The following KLHDC4 variants were observed in gnomAD, a reference collection of about 807,000 sequenced individuals.
The protein encoded by KLHDC4 is kelch domain-containing protein 4.
In KLHDC4, 90 loss-of-function variants were observed where a neutral mutation model predicts 62.4. That is an observed-to-expected ratio of 1.44 (90% CI 1.22 to 1.72). The LOEUF (loss-of-function observed/expected upper bound fraction) is 1.72, where lower values mean the gene tolerates loss of function less well. Ranked by LOEUF, KLHDC4 falls within the 40% of genes most tolerant of loss-of-function variation. KLHDC4 has a pLI of 0.00. For synonymous variants in KLHDC4, 386 were observed against 284.4 expected (o/e 1.36, Z -3.59); for missense variants, 1,025 against 699.7 (o/e 1.47, Z -5.25).
At chr16:87,752,471 G>A (rs1044021898) in intron 4 of KLHDC4, among the ~76,000 whole-genome samples, 3 of 151,774 alleles carry the variant, frequency 2.0e-5, no homozygotes, top group Admixed American at 6.6e-5. Context: ...TGAGTAGCTG[G>A]GATTACAGGC....
intron 7 of KLHDC4, among the ~76,000 whole-genome samples, chr16:87,724,139 A>G (rs1355346966): frequency 6.6e-6 from 1 of 152,198 alleles, no homozygotes; most frequent in African/African-American, 2.4e-5. Flanking sequence ...TGCTCGGCCT[A>G]AAAAGCCTTT....
At chr16:87,723,087 C>T (rs987153169) in intron 7 of KLHDC4, among the ~76,000 whole-genome samples, 5 of 152,172 alleles carry the variant, frequency 3.3e-5, no homozygotes, top group Non-Finnish European at 4.4e-5. Context: ...AGAGCAAGGA[C>T]GAGCTTCCCC....
chr16:87,715,841 C>T (rs776927088), intron 7 of KLHDC4, among the ~76,000 whole-genome samples: 3 of 152,186 alleles, frequency 2.0e-5, no homozygotes, highest in African/African-American at 7.2e-5. Context: ...ACTTCGGCCA[C>T]GCTACTGTGG....
At chr16:87,731,086 T>A (rs2040290015) in intron 5 of KLHDC4, 1 of 120,666 alleles carries the variant, frequency 8.3e-6, no homozygotes, top group Non-Finnish European at 1.6e-5. Context: ...TTTTTTGAGA[T>A]GGACTCTCCC....
At chr16:87,750,279 C>A (rs944283657) in intron 4 of KLHDC4, 1 of 152,222 alleles carries the variant, frequency 6.6e-6, no homozygotes, top group Non-Finnish European at 1.5e-5. Flanking sequence ...GAGAAAAGCA[C>A]GCTCCTAGGC....
At chr16:87,765,405 G>C in intron 1 of KLHDC4, 2 of 482,338 alleles carry the variant, frequency 4.1e-6, no homozygotes, top group Non-Finnish European at 8.2e-6. Context: ...ACATCATGCA[G>C]AGGCAGCCCC....
chr16:87,706,135 G>C (rs2034651643), downstream of KLHDC4, among the ~76,000 whole-genome samples: 2 of 143,416 alleles, frequency 1.4e-5, no homozygotes, highest in African/African-American at 5.1e-5. Flanking sequence ...ACAAGCTGCA[G>C]CCCTCGCGGG....
chr16:87,748,335 T>A (rs953971747), intron 5 of KLHDC4, among the ~76,000 whole-genome samples: 31 of 152,162 alleles, frequency 2.0e-4, no homozygotes, highest in African/African-American at 7.5e-4. Context: ...GGGGCCCCCC[T>A]TCCAACAAGC....
At chr16:87,705,510 G>T (rs1038903912), downstream of KLHDC4, among the ~76,000 whole-genome samples, 4 of 152,254 alleles carry the variant, frequency 2.6e-5, no homozygotes, top group African/African-American at 7.2e-5. Flanking sequence ...AAAGCAAAAT[G>T]CTTTCTGTGT....
At chr16:87,730,869 C>A in intron 5 of KLHDC4, 1 of 458,916 alleles carries the variant, frequency 2.2e-6, no homozygotes, top group Non-Finnish European at 3.9e-6. Flanking sequence ...AGGAGAACAT[C>A]TCCAAGACCT....
intron 5 of KLHDC4, among the ~76,000 whole-genome samples, chr16:87,741,417 T>C (rs981822159): frequency 6.6e-6 from 1 of 152,152 alleles, no homozygotes; most frequent in Admixed American, 6.6e-5. Flanking sequence ...GCAGCAGCAT[T>C]AGACTCTCAC....
At chr16:87,753,093 C>T (rs112518305) in intron 4 of KLHDC4, among the ~76,000 whole-genome samples, 4 of 152,254 alleles carry the variant, frequency 2.6e-5, no homozygotes, top group South Asian at 2.1e-4. Context: ...GCTGAGGAGA[C>T]AAGGACTGGA....
chr16:87,740,648 T>A (rs2042100869), intron 5 of KLHDC4: 1 of 152,148 alleles, frequency 6.6e-6, no homozygotes, highest in Non-Finnish European at 1.5e-5. Flanking sequence ...CAGTTTCCAG[T>A]CACTCTTGCC....
At chr16:87,762,982 G>A (rs753201124) in intron 1 of KLHDC4, among the ~76,000 whole-genome samples, 15 of 151,858 alleles carry the variant, frequency 9.9e-5, no homozygotes, top group African/African-American at 1.9e-4. Flanking sequence ...CAATGAAAAC[G>A]CCAGGTTCCC....
Position 87,708,050 on chromosome 16 carries a change from G to A in KLHDC4, c.*27C>T, listed in dbSNP as rs936330903. ...CTGGGCGGACGTGGGCACAGCACTT[G>A]CCAGGCGCCCCTGGCAGGGGCTCTT... On this transcript the variant is annotated 3_prime_UTR_variant, in exon 12 of 12. Transcript: ENST00000270583. 2 of 537,286 alleles carry A rather than the reference G, an allele frequency of 3.7e-6. No homozygotes were observed. The highest frequency in any genetic ancestry group is 2.2e-5 in the Admixed American group (1 of 44,734). 33.3% of individuals were successfully genotyped at this position (537,286 alleles called of 1,614,324 possible).
intron 5 of KLHDC4, among the ~76,000 whole-genome samples, chr16:87,737,686 C>G (rs1263483495): frequency 6.6e-6 from 1 of 151,242 alleles, no homozygotes; most frequent in East Asian, 1.9e-4. Flanking sequence ...CTCCCGGGTT[C>G]AAGCAATTAT....
chr16:87,719,045 G>T (rs2037697826), intron 7 of KLHDC4, among the ~76,000 whole-genome samples: 2 of 151,372 alleles, frequency 1.3e-5, no homozygotes, highest in Admixed American at 1.3e-4. Flanking sequence ...CCCCATCCGG[G>T]AGGTGGGGGG....
At chr16:87,752,224 T>C (rs949288033) in intron 4 of KLHDC4, among the ~76,000 whole-genome samples, 4 of 142,332 alleles carry the variant, frequency 2.8e-5, no homozygotes, top group Non-Finnish European at 3.0e-5. Context: ...CTGGGCAATA[T>C]AGCGAGACCC....
chr16:87,712,268 A>C (rs2036039787), intron 8 of KLHDC4, among the ~76,000 whole-genome samples: 1 of 151,644 alleles, frequency 6.6e-6, no homozygotes, highest in Non-Finnish European at 1.5e-5. Context: ...TTTTTCCTCC[A>C]ATGAACATTT....
Sources: gnomAD v4.1 joint callset for allele counts (sites outside exome capture counted in the v4.1 genomes callset) on GRCh38, gnomAD v4.1.1 for gene constraint, MANE v1.5 for transcripts, NCBI Gene and HGNC (gene_info 2026-07-23, HGNC 2026-07-21) for gene names.